Variants in MTA3 observed in about 807,000 individuals in gnomAD.
The protein encoded by MTA3 is metastasis-associated protein MTA3.
MTA3 carries 34 observed loss-of-function variants against 83.5 expected under a neutral mutation model. The observed-to-expected ratio is 0.41, with a 90% CI of 0.31 to 0.54. MTA3 has a LOEUF of 0.54. Ranked by LOEUF, MTA3 falls within the 20% of genes least tolerant of loss-of-function variation. The pLI is 0.33. For synonymous variants in MTA3, 303 were observed against 252.7 expected, an observed-to-expected ratio of 1.20 and a Z score of -1.89; for missense variants, 761 against 726.4, an observed-to-expected ratio of 1.05 and a Z score of -0.55.
At chr2:42,723,074 A>C in intron 16 of MTA3, 39 bp downstream of exon 16, 1 of 1,545,884 alleles carries the variant, frequency 6.5e-7, no homozygotes, top group Non-Finnish European at 8.7e-7. Flanking sequence ...GTTCTGATAG[A>C]GTGCCTTCAC....
At chr2:42,595,952 C>G (rs1158777821) in intron 3 of MTA3, among the ~76,000 whole-genome samples, 1 of 152,084 alleles carries the variant, frequency 6.6e-6, no homozygotes. Context: ...AAGCATTTGT[C>G]TGTGATTCAT....
intron 8 of MTA3, among the ~76,000 whole-genome samples, chr2:42,661,242 C>G (rs1161954926): frequency 1.3e-5 from 2 of 151,954 alleles, no homozygotes; most frequent in Non-Finnish European, 2.9e-5. Context: ...CTTTAAAAAT[C>G]AGATATTTCA....
At chr2:42,607,867 C>G (rs1409493203) in intron 3 of MTA3, among the ~76,000 whole-genome samples, 1 of 152,190 alleles carries the variant, frequency 6.6e-6, no homozygotes. Context: ...AGGAGAATCA[C>G]TTGAACCCGG....
At chr2:42,671,142 A>G (rs570538110) in intron 8 of MTA3, among the ~76,000 whole-genome samples, 2 of 152,246 alleles carry the variant, frequency 1.3e-5, no homozygotes, top group African/African-American at 2.4e-5. Flanking sequence ...ATTTTGTAGA[A>G]TGTCCTTCAG....
At chr2:42,672,614 T>A (rs1316176950) in intron 8 of MTA3, among the ~76,000 whole-genome samples, 1 of 114,098 alleles carries the variant, frequency 8.8e-6, no homozygotes, top group African/African-American at 3.5e-5. Flanking sequence ...CACTGAACTC[T>A]AGCCCGGGTC....
chr2:42,720,159 A>ATTTG (rs1166461103), intron 15 of MTA3, among the ~76,000 whole-genome samples: 1 of 148,546 alleles, frequency 6.7e-6, no homozygotes, highest in East Asian at 1.9e-4. Context: ...TCCTTGCTTT[A>ATTTG]TTTATTTATT....
chr2:42,672,827 C>G (rs1220610725), intron 8 of MTA3, among the ~76,000 whole-genome samples: 5 of 141,630 alleles, frequency 3.5e-5, no homozygotes, highest in African/African-American at 1.3e-4. Flanking sequence ...AGATGGCAAA[C>G]TTTTTTACGT....
intron 4 of MTA3, among the ~76,000 whole-genome samples, chr2:42,635,607 G>T (rs749878915): frequency 4.0e-5 from 6 of 151,850 alleles, no homozygotes; most frequent in Non-Finnish European, 5.9e-5. Context: ...TCCAGCCTGG[G>T]CAACAGAGCG....
intron 2 of MTA3, among the ~76,000 whole-genome samples, chr2:42,554,861 C>A (rs1677302094): frequency 6.6e-6 from 1 of 152,150 alleles, no homozygotes. Context: ...TCATGGCTGC[C>A]TGACACCCTA....
chr2:42,726,493 T>C (rs1436038036), intron 16 of MTA3, among the ~76,000 whole-genome samples: 2 of 152,142 alleles, frequency 1.3e-5, no homozygotes, highest in Admixed American at 6.5e-5. Flanking sequence ...CTCCTAATGC[T>C]ATCCCTCCCC....
intron 2 of MTA3, among the ~76,000 whole-genome samples, chr2:42,526,352 A>G (rs1675708372): frequency 6.6e-6 from 1 of 152,126 alleles, no homozygotes; most frequent in Admixed American, 6.6e-5. Context: ...GGCGCATGCC[A>G]CCGAGGCCGA....
chr2:42,577,105 A>AAAAAATATATATATATATATAT (rs1211189566), intron 2 of MTA3, among the ~76,000 whole-genome samples: 1 of 86,920 alleles, frequency 1.2e-5, no homozygotes, highest in African/African-American at 5.4e-5. Context: ...AAAAAAAAAA[A>AAAAAATATATATATATATATAT]ATATATATAT....
At chr2:42,614,219 T>G (rs953685764) in intron 4 of MTA3, 1 of 152,198 alleles carries the variant, frequency 6.6e-6, no homozygotes, top group African/African-American at 2.4e-5. Context: ...TGCCTCAGCC[T>G]CCCGAGTAGC....
At chr2:42,553,634 C>T (rs1450487243) in intron 2 of MTA3, among the ~76,000 whole-genome samples, 2 of 151,032 alleles carry the variant, frequency 1.3e-5, no homozygotes, top group East Asian at 3.9e-4. Flanking sequence ...ACTCGAGAGG[C>T]TGAGGCAGGA....
At chr2:42,652,580 A>C (rs2104347841) in intron 6 of MTA3, among the ~76,000 whole-genome samples, 1 of 152,318 alleles carries the variant, frequency 6.6e-6, no homozygotes, top group East Asian at 1.9e-4. Context: ...TCCTGGCCTC[A>C]AATGATCCTC....
chr2:42,563,833 T>TTCC (rs1677780983), upstream of MTA3, among the ~76,000 whole-genome samples: 1 of 150,126 alleles, frequency 6.7e-6, no homozygotes, highest in Non-Finnish European at 1.5e-5. Context: ...CCTTCCTTCC[T>TTCC]TTCTTTTTTG....
chr2:42,699,875 G>A (rs1274613037), intron 11 of MTA3, among the ~76,000 whole-genome samples: 1 of 152,136 alleles, frequency 6.6e-6, no homozygotes, highest in East Asian at 1.9e-4. Context: ...AATTATATTT[G>A]AAGCCATAGA....
chr2:42,514,567 A>G (rs1372908226), intron 2 of MTA3, among the ~76,000 whole-genome samples: 3 of 151,486 alleles, frequency 2.0e-5, no homozygotes, highest in Non-Finnish European at 4.4e-5. Flanking sequence ...TATTTTTAAT[A>G]CAGATGGGGT....
chr2:42,685,544 T>C (rs1187326599), intron 9 of MTA3, among the ~76,000 whole-genome samples: 1 of 152,206 alleles, frequency 6.6e-6, no homozygotes, highest in Non-Finnish European at 1.5e-5. Flanking sequence ...CAGGGTGCCT[T>C]TAGTACGAAA....
Sources: gnomAD v4.1 joint callset for allele counts (sites outside exome capture counted in the v4.1 genomes callset) on GRCh38, gnomAD v4.1.1 for gene constraint, MANE v1.5 for transcripts, NCBI Gene and HGNC (gene_info 2026-07-23, HGNC 2026-07-21) for gene names.